GNB1L: variants seen among roughly 807,000 people sequenced by gnomAD.
GNB1L encodes the protein G protein subunit beta 1 like.
In GNB1L, 20 loss-of-function variants were observed where a neutral mutation model predicts 29.1. The observed-to-expected ratio is 0.69, with a 90% confidence interval of 0.48 to 1.00. GNB1L has a LOEUF of 1.00. Among genes scored for constraint, GNB1L ranks in the 50% least tolerant of loss-of-function variants. The pLI, the probability that GNB1L is intolerant of heterozygous loss-of-function variation, is 0.00. For missense variants in GNB1L, 421 were observed against 464.9 expected, an observed-to-expected ratio of 0.91 and a Z score of 0.87; for synonymous variants, 193 against 206.5, an observed-to-expected ratio of 0.93 and a Z score of 0.56.
rs770975402 is a variant in GNB1L at position 19,806,700 on chromosome 22, C to A, written c.475G>T (p.Asp159Tyr). 2 of 1,613,626 alleles carry A rather than the reference C, an allele frequency of 1.2e-6. No homozygotes were observed. Among genetic ancestry groups the A allele is most frequent in the South Asian group, 2.2e-5 (2 of 91,058 alleles). ...CACATGGGCATGCCCAGCTTGGCAT[C>A]TGCCTTCGGCTTCAGGGCGCACACT... ...TSVCALKPKA[D>Y]AKLGMPMCLR... Residue 159 changes from aspartate to tyrosine, a missense_variant, in exon 6 of 8, where the codon GAT (aspartate) becomes TAT (tyrosine). Coordinates refer to ENST00000329517, the MANE Select transcript of GNB1L (RefSeq NM_053004.3).
At chr22:19,833,690 C>A (rs1429386095) in intron 2 of GNB1L, among the ~76,000 whole-genome samples, 1 of 151,874 alleles carries the variant, frequency 6.6e-6, no homozygotes. Flanking sequence ...ATGGTGAAAC[C>A]CTGACTCTAC....
At chr22:19,853,759 G>C (rs1169972117) in intron 2 of GNB1L, among the ~76,000 whole-genome samples, 3 of 151,978 alleles carry the variant, frequency 2.0e-5, no homozygotes, top group Non-Finnish European at 4.4e-5. Flanking sequence ...CCATGACCCT[G>C]GCTTCCCACC....
intron 5 of GNB1L, among the ~76,000 whole-genome samples, chr22:19,808,619 C>T (rs1186059097): frequency 2.6e-5 from 4 of 152,328 alleles, no homozygotes; most frequent in Admixed American, 1.3e-4. Context: ...AAAACCAAGA[C>T]GAGGTGCCAC....
At chr22:19,846,646 G>C in intron 2 of GNB1L, 3 of 799,996 alleles carry the variant, frequency 3.8e-6, no homozygotes, top group Non-Finnish European at 4.5e-6. Flanking sequence ...TTTGAAGACA[G>C]GGTCTTTAAA....
intron 2 of GNB1L, chr22:19,848,322 G>A (rs1938014263): frequency 1.0e-6 from 1 of 985,466 alleles, no homozygotes. Flanking sequence ...GCCAGGCTCT[G>A]CAGCTCCTGA....
chr22:19,854,026 A>T (rs1386292919), intron 2 of GNB1L, among the ~76,000 whole-genome samples: 1 of 152,114 alleles, frequency 6.6e-6, no homozygotes, highest in Non-Finnish European at 1.5e-5. Context: ...GTCTGGGAGA[A>T]GGCTTCCCTG....
At chr22:19,799,536 C>T (rs896890146) in intron 7 of GNB1L, among the ~76,000 whole-genome samples, 7 of 152,232 alleles carry the variant, frequency 4.6e-5, no homozygotes, top group Non-Finnish European at 1.0e-4. Flanking sequence ...ATGCGTGGTG[C>T]GGCGAAGCCA....
intron 2 of GNB1L, chr22:19,846,473 G>T: frequency 1.0e-6 from 1 of 985,172 alleles, no homozygotes; most frequent in Non-Finnish European, 1.2e-6. Context: ...AGGGCCTGGG[G>T]GACTCTGCAC....
intron 7 of GNB1L, among the ~76,000 whole-genome samples, chr22:19,796,760 C>T (rs937094879): frequency 2.6e-5 from 4 of 152,144 alleles, no homozygotes; most frequent in African/African-American, 9.7e-5. Context: ...CCATGTGGGG[C>T]TGGCAAGGGA....
chr22:19,820,805 T>G, intron 3 of GNB1L, 82 bp from the exon 4 acceptor site: 1 of 1,493,068 alleles, frequency 6.7e-7, no homozygotes, highest in East Asian at 2.3e-5. Context: ...GGCCACATTG[T>G]GGGATGCGGG....
Position 19,796,289 on chromosome 22 carries a change from C to A in GNB1L, c.732+5712G>T, listed in dbSNP as rs192023952. Among the ~76,000 whole-genome samples the A allele has an allele frequency of 2.3e-3, 355 of 152,300 alleles. 1 individual carries two copies. The highest frequency in any genetic ancestry group is 7.9e-3 in the African/African-American group (328 of 41,562). The stretch of plus-strand genomic sequence containing the variant: ...CAGACAGGCCCCCAGCAAAAGGGAA[C>A]AGGACAGGCCTCTCTGCGCCTGCTG... On this transcript the variant is annotated intron_variant, in intron 7 of 7. Coordinates refer to ENST00000329517, the MANE Select transcript of GNB1L (RefSeq NM_053004.3).
At chr22:19,812,482 C>T (rs761316419) in intron 4 of GNB1L, 35 bp from the exon 5 acceptor site, 1 of 1,583,908 alleles carries the variant, frequency 6.3e-7, no homozygotes. Context: ...CTGAGACTCC[C>T]CTTGACAAGT....
At chr22:19,804,309 C>T (rs1012258032) in intron 6 of GNB1L, among the ~76,000 whole-genome samples, 3 of 152,198 alleles carry the variant, frequency 2.0e-5, no homozygotes, top group African/African-American at 7.2e-5. Context: ...CATTCTGCAC[C>T]CCTCCCATTG....
chr22:19,813,848 T>C (rs1453158643), intron 4 of GNB1L, among the ~76,000 whole-genome samples: 1 of 151,864 alleles, frequency 6.6e-6, no homozygotes, highest in Non-Finnish European at 1.5e-5. Flanking sequence ...ACACAAAAAT[T>C]GGCCAGGCAT....
chr22:19,839,392 C>T (rs1004790404), intron 2 of GNB1L, among the ~76,000 whole-genome samples: 1 of 151,966 alleles, frequency 6.6e-6, no homozygotes, highest in Admixed American at 6.6e-5. Flanking sequence ...TAGTTCTGAA[C>T]CCTATATACA....
intron 2 of GNB1L, among the ~76,000 whole-genome samples, chr22:19,843,163 T>A (rs1937890767): frequency 6.6e-6 from 1 of 152,204 alleles, no homozygotes; most frequent in Non-Finnish European, 1.5e-5. Flanking sequence ...GTAGTTTGTT[T>A]CCTCTCAGCC....
chr22:19,847,803 GC>G (rs1465391716), intron 2 of GNB1L: 14 of 440,398 alleles, frequency 3.2e-5, no homozygotes, highest in African/African-American at 3.0e-4. Context: ...GGAATCATAG[GC>G]AAAAAAAAAA....
At chr22:19,847,150 C>T in intron 2 of GNB1L, 1 of 985,468 alleles carries the variant, frequency 1.0e-6, no homozygotes, top group Non-Finnish European at 1.2e-6. Context: ...TGGCCTTTCC[C>T]CTGCCTCAGT....
chr22:19,794,997 TAATAA>T (rs1057168693), intron 7 of GNB1L, among the ~76,000 whole-genome samples: 20 of 151,978 alleles, frequency 1.3e-4, no homozygotes, highest in Admixed American at 2.6e-4. Flanking sequence ...TAAAATAAAA[TAATAA>T]AATAAAATAA....
Sources: allele counts gnomAD v4.1 joint callset (sites outside exome capture counted in the v4.1 genomes callset), GRCh38; gene constraint gnomAD v4.1.1; transcripts MANE v1.5; gene names NCBI Gene and HGNC (gene_info 2026-07-23, HGNC 2026-07-21).